Variants in ANO4 observed in about 807,000 individuals in gnomAD.
ANO4 encodes the protein anoctamin 4.
A neutral mutation model predicts 141.9 loss-of-function variants in ANO4; 69 were observed. That is an observed-to-expected ratio of 0.49 (90% confidence interval 0.40 to 0.59). The LOEUF (loss-of-function observed/expected upper bound fraction) is 0.59, where lower values mean the gene tolerates loss of function less well. ANO4 is among the 20% of genes least tolerant of loss of function. ANO4 has a pLI of 0.00. For synonymous variants in ANO4, 350 were observed against 394.3 expected (o/e 0.89, Z 1.33); for missense variants, 894 against 1,162.2 (o/e 0.77, Z 3.36).
chr12:100,855,073 C>T (rs1363852603), intron 1 of ANO4, among the ~76,000 whole-genome samples: 1 of 152,070 alleles, frequency 6.6e-6, no homozygotes, highest in Non-Finnish European at 1.5e-5. Flanking sequence ...ATTTGAAGTG[C>T]ATCAATTCCT....
chr12:100,919,603 C>G (rs982061074), intron 2 of ANO4, among the ~76,000 whole-genome samples: 4 of 151,590 alleles, frequency 2.6e-5, no homozygotes, highest in African/African-American at 9.7e-5. Flanking sequence ...ATGATGATAT[C>G]TACCAATGCA....
At chr12:101,040,185 C>A in intron 11 of ANO4, 109 bp downstream of exon 11, 1 of 1,359,448 alleles carries the variant, frequency 7.4e-7, no homozygotes, top group Non-Finnish European at 9.7e-7. Context: ...GTGTACAGCT[C>A]TCACTCATAT....
intron 1 of ANO4, among the ~76,000 whole-genome samples, chr12:100,861,407 T>C (rs1433491619): frequency 1.3e-5 from 2 of 152,212 alleles, no homozygotes; most frequent in Non-Finnish European, 2.9e-5. Flanking sequence ...GTGTAGGCAA[T>C]TGTAACACAG....
Position 100,806,022 on chromosome 12 carries a change from A to C in ANO4, c.-141+10995A>C, listed in dbSNP as rs544419513. Among the ~76,000 whole-genome samples the C allele has an allele frequency of 2.6e-5, 4 of 152,252 alleles. No homozygotes were observed. In the East Asian group the frequency reaches 5.8e-4, roughly 22 times the overall value. On this transcript the variant is annotated intron_variant, in intron 1 of 27. Coordinates refer to ENST00000392977, the MANE Select transcript of ANO4 (RefSeq NM_001286615.2). The stretch of plus-strand genomic sequence containing the variant: ...ATCAATGTTCTTTTTCTCTGTTGCC[A>C]TTCGGGAGGATTTAGGGATGAAGGC...
In ANO4 at chr12:101,123,567, G is replaced by A. The variant is rs144102329; in HGVS notation, c.2676+2942G>A. Among the ~76,000 whole-genome samples the A allele has an allele frequency of 1.1e-3, 168 of 149,316 alleles. 1 individual carries two copies. The highest frequency in any genetic ancestry group is 3.9e-3 in the African/African-American group (159 of 40,562). ...CTCCCACTTATAAGTGAGAACATGT[G>A]GTATTTGGTTTTCTGTTCCTTTGTC... On this transcript the variant is annotated intron_variant, in intron 26 of 27. Coordinates refer to ENST00000392977, the MANE Select transcript of ANO4 (RefSeq NM_001286615.2).
At chr12:101,069,792 G>C (rs2048735323) in intron 14 of ANO4, among the ~76,000 whole-genome samples, 1 of 151,994 alleles carries the variant, frequency 6.6e-6, no homozygotes, top group Non-Finnish European at 1.5e-5. Context: ...TTTAAATCGA[G>C]ATATAAATAT....
intron 3 of ANO4, among the ~76,000 whole-genome samples, chr12:100,760,370 A>G (rs7966587): frequency 0.031 from 4,753 of 152,224 alleles, 245 homozygotes; most frequent in African/African-American, 0.11. Flanking sequence ...AACCTCCCCA[A>G]AGTCTAACAG....
Position 101,116,804 on chromosome 12 carries a change from T to C in ANO4, c.2570+6T>C. On this transcript the variant is annotated splice_donor_region_variant and intron_variant, in intron 25 of 27. Transcript: ENST00000392977. ...ACTCCTCTTAAGTACTGCAGGTGAG[T>C]GTGGCACCCAGCGTGGCTCTGCCTG... 2.5e-6 allele frequency: 4 copies of C among 1,613,972 alleles called. No individual in the cohort carries two copies. Among genetic ancestry groups the C allele is most frequent in the East Asian group, 2.2e-5 (1 of 44,866 alleles).
At chr12:100,841,649 G>A (rs1406202762) in intron 1 of ANO4, among the ~76,000 whole-genome samples, 3 of 152,166 alleles carry the variant, frequency 2.0e-5, no homozygotes, top group African/African-American at 7.2e-5. Context: ...GGTAGTCCAG[G>A]CAGAGGGAAC....
intron 1 of ANO4, among the ~76,000 whole-genome samples, chr12:100,832,398 C>T (rs1306313760): frequency 2.0e-5 from 3 of 151,948 alleles, no homozygotes; most frequent in Non-Finnish European, 4.4e-5. Context: ...AAAAGCAAAA[C>T]AATAGTTTCT....
chr12:101,103,818 A>G (rs1358281781), intron 22 of ANO4, among the ~76,000 whole-genome samples: 2 of 151,910 alleles, frequency 1.3e-5, no homozygotes, highest in Non-Finnish European at 2.9e-5. Context: ...TCTTTCTTAC[A>G]TACTTGGAAG....
intron 1 of ANO4, among the ~76,000 whole-genome samples, chr12:100,798,674 G>A (rs2034494794): frequency 6.6e-6 from 1 of 152,170 alleles, no homozygotes; most frequent in African/African-American, 2.4e-5. Flanking sequence ...GGAGGGAGAT[G>A]GCAGAATTTT....
chr12:100,940,176 C>T (rs2042452268), intron 4 of ANO4, among the ~76,000 whole-genome samples: 1 of 151,108 alleles, frequency 6.6e-6, no homozygotes, highest in Non-Finnish European at 1.5e-5. Flanking sequence ...CCATATGCAG[C>T]TATCCAAGTT....
intron 3 of ANO4, among the ~76,000 whole-genome samples, chr12:100,746,109 T>G (rs1002079463): frequency 6.6e-6 from 1 of 152,056 alleles, no homozygotes; most frequent in African/African-American, 2.4e-5. Context: ...CTGGGAAAAA[T>G]GTATTCTATG....
At chr12:101,054,282 G>A (rs1434341743) in intron 14 of ANO4, among the ~76,000 whole-genome samples, 1 of 152,070 alleles carries the variant, frequency 6.6e-6, no homozygotes, top group African/African-American at 2.4e-5. Context: ...AGTAAAACAC[G>A]ATTTTGAGTA....
intron 8 of ANO4, among the ~76,000 whole-genome samples, chr12:100,992,738 A>G (rs747401622): frequency 1.3e-5 from 2 of 152,216 alleles, no homozygotes; most frequent in Non-Finnish European, 2.9e-5. Flanking sequence ...TGTATCTCCA[A>G]TACCTAACAC....
chr12:101,013,346 A>G (rs2046183825), intron 8 of ANO4, among the ~76,000 whole-genome samples: 2 of 152,140 alleles, frequency 1.3e-5, no homozygotes, highest in South Asian at 4.1e-4. Context: ...TCCTTGGGCA[A>G]CTAAGACATG....
At chr12:101,071,153 A>G (rs1194638651) in intron 14 of ANO4, among the ~76,000 whole-genome samples, 2 of 152,132 alleles carry the variant, frequency 1.3e-5, no homozygotes, top group Non-Finnish European at 2.9e-5. Context: ...TGATCCAGCA[A>G]TCTCATTATC....
chr12:100,785,164 A>G (rs2033831071), intron 3 of ANO4, among the ~76,000 whole-genome samples: 2 of 152,122 alleles, frequency 1.3e-5, no homozygotes, highest in East Asian at 1.9e-4. Context: ...TGCCTCCCAC[A>G]TATGCATAGC....
Sources: allele counts gnomAD v4.1 joint callset (sites outside exome capture counted in the v4.1 genomes callset), GRCh38; gene constraint gnomAD v4.1.1; transcripts MANE v1.5; gene names NCBI Gene and HGNC (gene_info 2026-07-23, HGNC 2026-07-21).